Variants in TC2N observed in about 807,000 individuals in gnomAD.
The protein encoded by TC2N is tandem C2 domains nuclear protein.
TC2N carries 51 observed loss-of-function variants against 61.9 expected under a neutral mutation model. The observed-to-expected ratio is 0.82, with a 90% CI of 0.66 to 1.04. The LOEUF is 1.04. Ranked by LOEUF, TC2N falls within the 50% of genes least tolerant of loss-of-function variation. TC2N has a pLI of 0.00. For synonymous variants in TC2N, 204 were observed against 192.6 expected (o/e 1.06, Z -0.49); for missense variants, 556 against 566.7 (o/e 0.98, Z 0.19).
Position 91,813,739 on chromosome 14 carries a change from CACAGCAACTCTTTAT to C in TC2N, c.16_30del (p.Ile6_Cys10del). ...TCTGTTTCACCATAGAAACATCCTC[CACAGCAACTCTTTAT>C]AAATTCTGTTGCCATTACATTCAAT... On this transcript the variant is annotated inframe_deletion, in exon 2 of 12. Coordinates refer to ENST00000435962, the MANE Select transcript of TC2N (RefSeq NM_001128596.3). 1 of 1,609,790 alleles carries C rather than the reference CACAGCAACTCTTTAT, an allele frequency of 6.2e-7. No individual in the cohort carries two copies. The highest frequency in any genetic ancestry group is 8.5e-7 in the Non-Finnish European group (1 of 1,177,220).
chr14:91,855,851 G>C (rs1377165353), intron 1 of TC2N, among the ~76,000 whole-genome samples: 1 of 152,154 alleles, frequency 6.6e-6, no homozygotes, highest in Non-Finnish European at 1.5e-5. Flanking sequence ...GCCGAGGTTG[G>C]AGTCAGAAGT....
chr14:91,836,641 G>T (rs1391920760), intron 1 of TC2N: 2 of 151,486 alleles, frequency 1.3e-5, no homozygotes, highest in African/African-American at 4.8e-5. Context: ...GGGGCAGGGC[G>T]GGGAGTGGAG....
chr14:91,801,425 A>G (rs1886243487), intron 4 of TC2N, among the ~76,000 whole-genome samples: 1 of 152,212 alleles, frequency 6.6e-6, no homozygotes, highest in Non-Finnish European at 1.5e-5. Context: ...AGGCCAAGGC[A>G]GGAGGATTGC....
chr14:91,825,429 T>C (rs1887454912), intron 1 of TC2N, among the ~76,000 whole-genome samples: 1 of 152,176 alleles, frequency 6.6e-6, no homozygotes, highest in Admixed American at 6.5e-5. Context: ...GCTAATAGGT[T>C]TGCCTTTCAA....
intron 10 of TC2N, among the ~76,000 whole-genome samples, chr14:91,785,766 C>T (rs1039203092): frequency 5.3e-5 from 8 of 151,840 alleles, no homozygotes; most frequent in Non-Finnish European, 1.0e-4. Context: ...TAAGTATATG[C>T]CCACTAGATA....
chr14:91,792,217 T>C (rs1001102604), intron 9 of TC2N, 150 bp downstream of exon 9: 1 of 294,024 alleles, frequency 3.4e-6, no homozygotes, highest in Non-Finnish European at 5.3e-6. Flanking sequence ...TTATCAATAA[T>C]TTCTAAATAT....
intron 8 of TC2N, among the ~76,000 whole-genome samples, chr14:91,795,547 GA>G (rs1368689884): frequency 1.3e-5 from 2 of 152,114 alleles, no homozygotes; most frequent in African/African-American, 4.8e-5. Flanking sequence ...ACAACTTGCT[GA>G]AGACTCAGAT....
chr14:91,856,215 G>A (rs2007104), intron 1 of TC2N, among the ~76,000 whole-genome samples: 1,788 of 152,226 alleles, frequency 0.012, 41 homozygotes, highest in African/African-American at 0.036. Flanking sequence ...AGGGCCAGGC[G>A]TCCTGGCTCA....
intron 1 of TC2N, chr14:91,836,635 C>CGAGGCAAGGCGGGG (rs1888033536): frequency 4.4e-5 from 1 of 22,874 alleles, no homozygotes. Flanking sequence ...CAGGGCGGGG[C>CGAGGCAAGGCGGGG]AGGGCGGGGA....
intron 1 of TC2N, among the ~76,000 whole-genome samples, chr14:91,848,955 G>A (rs996661816): frequency 6.6e-6 from 1 of 152,176 alleles, no homozygotes; most frequent in African/African-American, 2.4e-5. Context: ...GTCACTAAAA[G>A]TAATGAGGAT....
chr14:91,860,341 A>C (rs996450206), intron 1 of TC2N, among the ~76,000 whole-genome samples: 1 of 152,056 alleles, frequency 6.6e-6, no homozygotes, highest in Non-Finnish European at 1.5e-5. Context: ...CAAAAAAAAA[A>C]AAAAAGTTGG....
intron 1 of TC2N, among the ~76,000 whole-genome samples, chr14:91,831,688 C>T (rs1344091979): frequency 6.6e-6 from 1 of 152,096 alleles, no homozygotes; most frequent in Non-Finnish European, 1.5e-5. Context: ...ACTGGACCCC[C>T]ACTTCACACC....
At chr14:91,789,256 A>G (rs1163131935) in intron 9 of TC2N, among the ~76,000 whole-genome samples, 10 of 151,924 alleles carry the variant, frequency 6.6e-5, no homozygotes, top group Middle Eastern at 3.4e-3. Flanking sequence ...CACAAATTCA[A>G]TTCATGTTCC....
intron 1 of TC2N, among the ~76,000 whole-genome samples, chr14:91,833,025 A>T (rs1887852902): frequency 6.6e-6 from 1 of 152,222 alleles, no homozygotes; most frequent in Admixed American, 6.5e-5. Context: ...TAAACAACAC[A>T]GTGTTTGGAA....
intron 1 of TC2N, among the ~76,000 whole-genome samples, chr14:91,857,977 G>A (rs1419430605): frequency 6.8e-6 from 1 of 147,050 alleles, no homozygotes; most frequent in African/African-American, 2.4e-5. Context: ...TTGTTTGTTT[G>A]TTTTTTGAGA....
At chr14:91,823,016 A>G (rs1412325677) in intron 1 of TC2N, among the ~76,000 whole-genome samples, 1 of 151,988 alleles carries the variant, frequency 6.6e-6, no homozygotes, top group African/African-American at 2.4e-5. Flanking sequence ...TGCCGAGCCT[A>G]TACTCATTAT....
At chr14:91,790,218 G>A (rs369621825) in intron 9 of TC2N, among the ~76,000 whole-genome samples, 26 of 152,258 alleles carry the variant, frequency 1.7e-4, no homozygotes, top group Non-Finnish European at 3.1e-4. Flanking sequence ...ATTCAATACC[G>A]AAATTTGAGA....
At position 91,802,816 on chromosome 14, in the gene TC2N, C is replaced by T. The variant is rs569187674; in HGVS notation, c.302-395G>A. 7.3e-5 allele frequency among the ~76,000 whole-genome samples: 11 copies of T among 151,202 alleles called. No individual in the cohort carries two copies. The East Asian group carries it at 7.8e-4, about 11-fold the overall frequency. ...AAATTGACCACATGCTGAGATACAC[C>T]GAGAAACTCTCAAATTTGGAAGGAC... is the stretch of plus-strand genomic sequence containing the variant. On this transcript the variant is annotated intron_variant, in intron 3 of 11. Coordinates refer to ENST00000435962, the MANE Select transcript of TC2N (RefSeq NM_001128596.3).
intron 10 of TC2N, 80 bp from the exon 11 acceptor site, chr14:91,785,441 AATATAT>A (rs986862710): frequency 3.2e-6 from 3 of 935,614 alleles, no homozygotes; most frequent in African/African-American, 3.4e-5. Context: ...TCCAAGTTGG[AATATAT>A]ATATATAACA....
Sources: allele counts gnomAD v4.1 joint callset (sites outside exome capture counted in the v4.1 genomes callset), GRCh38; gene constraint gnomAD v4.1.1; transcripts MANE v1.5; gene names NCBI Gene and HGNC (gene_info 2026-07-23, HGNC 2026-07-21).